TLL1: variants seen among roughly 807,000 people sequenced by gnomAD.
The protein encoded by TLL1 is tolloid-like protein 1.
In TLL1, 49 loss-of-function variants were observed where a neutral mutation model predicts 128.2. That is an observed-to-expected ratio of 0.38 (90% CI 0.30 to 0.48). The LOEUF (loss-of-function observed/expected upper bound fraction) is 0.48. Ranked by LOEUF, TLL1 falls within the 20% of genes least tolerant of loss-of-function variation. TLL1 has a pLI of 0.96. For synonymous variants in TLL1, 454 were observed against 418.8 expected (o/e 1.08, Z -1.03); for missense variants, 1,123 against 1,242.0 (o/e 0.90, Z 1.44).
chr4:166,043,436 T>C lies in TLL1; in HGVS notation c.1524+17T>C. ...TCCTTTGAGGTAAAGTCTTTTAGGC[T>C]ATCTTCCTGGCAAATATTCTCCATA... On this transcript the variant is annotated intron_variant, in intron 12 of 20. Transcript: ENST00000061240. The C allele has an allele frequency of 6.2e-7, 1 of 1,614,052 alleles. No individual in the cohort carries two copies. Among genetic ancestry groups the C allele is most frequent in the Non-Finnish European group, 8.5e-7 (1 of 1,179,928 alleles).
chr4:165,994,989 G>C, intron 4 of TLL1, 72 bp from the exon 5 acceptor site: 1 of 1,237,142 alleles, frequency 8.1e-7, no homozygotes, highest in Non-Finnish European at 1.2e-6. Context: ...CCAGACTTAG[G>C]GTAGAGGATG....
intron 1 of TLL1, among the ~76,000 whole-genome samples, chr4:165,981,860 G>T (rs1403792559): frequency 6.6e-6 from 1 of 152,004 alleles, no homozygotes; most frequent in African/African-American, 2.4e-5. Context: ...GTGTGCCATT[G>T]CAGGCACCAT....
At chr4:166,028,513 A>T (rs59240520) in intron 9 of TLL1, among the ~76,000 whole-genome samples, 7,814 of 152,082 alleles carry the variant, frequency 0.051, 252 homozygotes, top group African/African-American at 0.087. Flanking sequence ...TGGGTGCATC[A>T]TCTTAATTGT....
At chr4:165,900,028 T>A (rs574135760) in intron 1 of TLL1, among the ~76,000 whole-genome samples, 1 of 152,176 alleles carries the variant, frequency 6.6e-6, no homozygotes, top group African/African-American at 2.4e-5. Flanking sequence ...TATCAGGGAC[T>A]AGGATTGTAA....
chr4:166,046,863 G>A (rs544201469), intron 12 of TLL1, among the ~76,000 whole-genome samples: 2 of 152,226 alleles, frequency 1.3e-5, no homozygotes, highest in African/African-American at 2.4e-5. Context: ...AGTATTCCGA[G>A]CAACTTAATA....
At chr4:165,889,109 C>A (rs567380155) in intron 1 of TLL1, among the ~76,000 whole-genome samples, 1 of 152,132 alleles carries the variant, frequency 6.6e-6, no homozygotes, top group Non-Finnish European at 1.5e-5. Context: ...GGAAGCTCAG[C>A]GCCAGTACCT....
intron 8 of TLL1, among the ~76,000 whole-genome samples, chr4:166,015,833 C>T (rs1205056897): frequency 2.0e-5 from 3 of 150,230 alleles, no homozygotes; most frequent in Non-Finnish European, 4.4e-5. Context: ...ACTAGATTTG[C>T]TAAGGAAAAT....
intron 9 of TLL1, among the ~76,000 whole-genome samples, chr4:166,035,785 C>T (rs1738971155): frequency 6.6e-6 from 1 of 152,086 alleles, no homozygotes; most frequent in South Asian, 2.1e-4. Flanking sequence ...TGATTTCTAA[C>T]ATTGTAGCAT....
At chr4:165,923,421 C>CTTTTTTTTTTTTTGTTT (rs1733128167) in intron 1 of TLL1, among the ~76,000 whole-genome samples, 1 of 70,832 alleles carries the variant, frequency 1.4e-5, no homozygotes, top group Non-Finnish European at 2.6e-5. Flanking sequence ...ATAGGTATAC[C>CTTTTTTTTTTTTTGTTT]TTTTTTTTTT....
chr4:165,917,183 A>G (rs554996244), intron 1 of TLL1, among the ~76,000 whole-genome samples: 5 of 152,252 alleles, frequency 3.3e-5, no homozygotes, highest in East Asian at 3.9e-4. Flanking sequence ...TGAACGTTCT[A>G]TAGATTATTT....
At chr4:165,973,262 C>G (rs532467347) in intron 1 of TLL1, among the ~76,000 whole-genome samples, 1 of 152,014 alleles carries the variant, frequency 6.6e-6, no homozygotes, top group Non-Finnish European at 1.5e-5. Context: ...GATAGTGCAG[C>G]CTTTACCATC....
At chr4:166,029,706 CT>C (rs1295098724) in intron 9 of TLL1, among the ~76,000 whole-genome samples, 2 of 152,084 alleles carry the variant, frequency 1.3e-5, no homozygotes, top group Non-Finnish European at 2.9e-5. Context: ...CATCATTCTA[CT>C]TTCTGTTTCC....
chr4:166,090,333 T>A (rs1380105437), intron 18 of TLL1, among the ~76,000 whole-genome samples: 1 of 152,090 alleles, frequency 6.6e-6, no homozygotes, highest in Non-Finnish European at 1.5e-5. Flanking sequence ...ACAATATTAT[T>A]TTCAGTCCAT....
intron 1 of TLL1, among the ~76,000 whole-genome samples, chr4:165,975,458 T>C (rs1322454380): frequency 1.3e-5 from 2 of 152,084 alleles, no homozygotes; most frequent in East Asian, 1.9e-4. Context: ...TTACAAACAA[T>C]TTCTGCCAGC....
At chr4:166,001,374 G>A (rs978347440) in intron 5 of TLL1, among the ~76,000 whole-genome samples, 1 of 152,038 alleles carries the variant, frequency 6.6e-6, no homozygotes, top group Non-Finnish European at 1.5e-5. Context: ...TGGGCATCCT[G>A]TGTGCTCAGT....
intron 1 of TLL1, among the ~76,000 whole-genome samples, chr4:165,890,096 G>T (rs1301508318): frequency 1.3e-5 from 2 of 152,098 alleles, no homozygotes; most frequent in African/African-American, 2.4e-5. Context: ...CAGAGCAAAA[G>T]GGAGAAGGCC....
At chr4:165,978,904 T>C (rs187169595) in intron 1 of TLL1, among the ~76,000 whole-genome samples, 5 of 152,314 alleles carry the variant, frequency 3.3e-5, no homozygotes, top group Admixed American at 1.3e-4. Context: ...GTGGTTCTTG[T>C]AGCTGTTTTC....
intron 1 of TLL1, among the ~76,000 whole-genome samples, chr4:165,887,420 A>G (rs1731211748): frequency 6.6e-6 from 1 of 152,176 alleles, no homozygotes; most frequent in Admixed American, 6.6e-5. Flanking sequence ...AGGTCAAGAA[A>G]GTAAAAGAAA....
intron 9 of TLL1, among the ~76,000 whole-genome samples, chr4:166,037,117 T>G (rs1456850922): frequency 6.6e-6 from 1 of 152,118 alleles, no homozygotes; most frequent in Non-Finnish European, 1.5e-5. Context: ...CCTTGGTGGT[T>G]GCTATAGGGA....
Sources: allele counts gnomAD v4.1 joint callset (sites outside exome capture counted in the v4.1 genomes callset), GRCh38; gene constraint gnomAD v4.1.1; transcripts MANE v1.5; gene names NCBI Gene and HGNC (gene_info 2026-07-23, HGNC 2026-07-21).